The following TBRG4 variants were observed in gnomAD, a reference collection of about 807,000 sequenced individuals.
TBRG4 encodes FAST kinase domain-containing protein 4.
In TBRG4, 43 loss-of-function variants were observed where a neutral mutation model predicts 65.6. That is an observed-to-expected ratio of 0.66 (90% CI 0.51 to 0.85). TBRG4 has a LOEUF of 0.85. TBRG4 is among the 40% of genes least tolerant of loss of function. The pLI is 0.00. For missense variants in TBRG4, 709 were observed against 787.9 expected (o/e 0.90, Z 1.20); for synonymous variants, 366 against 341.4 (o/e 1.07, Z -0.79).
chr7:45,101,759 G>T, intron 8 of TBRG4, 66 bp downstream of exon 8: 1 of 1,598,262 alleles, frequency 6.3e-7, no homozygotes. Context: ...CAGACGGGGT[G>T]GGTTAGAAGA....
In TBRG4 at chr7:45,103,737, T is replaced by C. The variant is rs1784844411; in HGVS notation, c.1066-294A>G. ...AAACTTAGTTTAGACTGGTCACACA[T>C]AAACGTAACTGCAGGTGTCATCTTT... On this transcript the variant is annotated intron_variant, in intron 5 of 10. Transcript: ENST00000258770. 3 of 520,656 alleles carry C rather than the reference T, an allele frequency of 5.8e-6. No individual in the cohort carries two copies. In the Admixed American group the frequency reaches 1.0e-4, roughly 18 times the overall value. The allele number at this position is 520,656 out of a possible 1,614,324, so 32.3% of individuals were successfully genotyped here. A position where few individuals can be genotyped will look rare whatever the true frequency, so the allele number is the denominator to read the frequency against.
At chr7:45,103,555 G>A in intron 5 of TBRG4, 112 bp from the exon 6 acceptor site, 3 of 807,380 alleles carry the variant, frequency 3.7e-6, no homozygotes, top group Non-Finnish European at 4.1e-6. Flanking sequence ...GCAATGGCAG[G>A]ACCCTCCATC....
chr7:45,100,864 C>T (rs2128643836), intron 10 of TBRG4, among the ~76,000 whole-genome samples: 1 of 152,370 alleles, frequency 6.6e-6, no homozygotes, highest in African/African-American at 2.4e-5. Flanking sequence ...CATCTTTCTG[C>T]TCCTGCCAGT....
At position 45,105,503 on chromosome 7, in the gene TBRG4, CTAA is replaced by C; in HGVS notation, c.670_672del (p.Leu224del). The C allele has an allele frequency of 3.1e-6, 5 of 1,614,134 alleles. No homozygotes were observed. Among genetic ancestry groups the C allele is most frequent in the Non-Finnish European group, 4.2e-6 (5 of 1,180,006 alleles). On this transcript the variant is annotated inframe_deletion, in exon 3 of 11. Transcript: ENST00000258770. The stretch of plus-strand genomic sequence containing the variant: ...TGTCCCACCTTCATCATGACGGTCA[CTAA>C]TGTGTGGGAATCTTCAATTTCTGTC...
At chr7:45,104,056 C>A in intron 5 of TBRG4, 43 bp downstream of exon 5, 2 of 1,533,362 alleles carry the variant, frequency 1.3e-6, no homozygotes, top group Admixed American at 2.2e-5. Context: ...AGCAGATGGC[C>A]AGGAAGCCAG....
intron 2 of TBRG4, 177 bp from the exon 3 acceptor site, chr7:45,105,941 C>T (rs1317196943): frequency 1.1e-6 from 1 of 875,750 alleles, no homozygotes; most frequent in Non-Finnish European, 1.9e-6. Context: ...TCCTCACAGC[C>T]TTGCTCAGCC....
chr7:45,101,785 G>T, intron 8 of TBRG4, 40 bp downstream of exon 8: 1 of 1,600,342 alleles, frequency 6.2e-7, no homozygotes, highest in South Asian at 1.1e-5. Context: ...GTTAGACTCA[G>T]GCAATGCCAG....
At position 45,108,745 on chromosome 7, in the gene TBRG4, G is replaced by GT. The variant is rs1380003176; in HGVS notation, c.411+81dup. 21 of 1,207,514 alleles carry GT rather than the reference G, an allele frequency of 1.7e-5. No individual in the cohort carries two copies. The East Asian group carries it at 4.6e-4, about 26-fold the overall frequency. 74.8% of individuals were successfully genotyped at this position (1,207,514 alleles called of 1,614,324 possible). A position where few individuals can be genotyped will look rare whatever the true frequency, so the allele number is the denominator to read the frequency against. On this transcript the variant is annotated intron_variant, in intron 2 of 10. Coordinates refer to ENST00000258770, the MANE Select transcript of TBRG4 (RefSeq NM_004749.4). Reference sequence around the variant, plus strand: ...GATGCAAGGCCCCTGTCTATGCTTGGTAAGCACTGGCTGCTGTGGACCCCA... The same window carrying GT: ...GATGCAAGGCCCCTGTCTATGCTTGGTTAAGCACTGGCTGCTGTGGACCCCA...
chr7:45,109,479 C>A (rs1314515059), intron 1 of TBRG4, among the ~76,000 whole-genome samples, 192 bp from the exon 2 acceptor site: 1 of 152,192 alleles, frequency 6.6e-6, no homozygotes, highest in African/African-American at 2.4e-5. Context: ...AGAATGCCAT[C>A]AAATATCAAA....
chr7:45,104,146 C>T lies in TBRG4; in HGVS notation c.1018G>A (p.Ala340Thr), dbSNP rs372199442. The T allele has an allele frequency of 4.8e-5, 78 of 1,613,380 alleles. No homozygotes were observed. The highest frequency in any genetic ancestry group is 1.7e-5 in the Admixed American group (1 of 59,936). ...GGCAGGCTGAGCCACTTGAGTAAGG[C>T]GAAGGACTTGGCACAGTGGGCCACC... ...GEVAHCAKSF[A>T]LLKWLSLPLF... The change falls in exon 5 of 11, where the codon GCC becomes ACC. Residue 340 changes from alanine to threonine, a missense_variant. Transcript: ENST00000258770.
intron 1 of TBRG4, chr7:45,110,626 G>A (rs113329305): frequency 0.049 from 7,371 of 150,152 alleles, 224 homozygotes; most frequent in Middle Eastern, 0.066. Context: ...GGGTGGCAGA[G>A]CGAGACTCTG....
chr7:45,108,753 T>A lies in TBRG4; in HGVS notation c.411+74A>T. The A allele has an allele frequency of 2.3e-6, 3 of 1,291,236 alleles. No homozygotes were observed. The South Asian group carries it at 5.1e-5, about 22-fold the overall frequency. The allele number at this position is 1,291,236 out of a possible 1,614,324, so 80.0% of individuals were successfully genotyped here. On this transcript the variant is annotated intron_variant, in intron 2 of 10. Coordinates refer to ENST00000258770, the MANE Select transcript of TBRG4 (RefSeq NM_004749.4). ...GCCCCTGTCTATGCTTGGTAAGCACTGGCTGCTGTGGACCCCAGCATTTCT... is the reference window on the plus strand; with the variant it reads ...GCCCCTGTCTATGCTTGGTAAGCACAGGCTGCTGTGGACCCCAGCATTTCT...
chr7:45,106,090 C>A, intron 2 of TBRG4: 1 of 586,914 alleles, frequency 1.7e-6, no homozygotes, highest in Non-Finnish European at 3.3e-6. Context: ...CTGAATTTGA[C>A]ATGGCTGCCA....
At position 45,111,692 on chromosome 7, in the gene TBRG4, A is replaced by C. The variant is rs1023041008; in HGVS notation, c.-100T>G. On this transcript the variant is annotated 5_prime_UTR_variant, in exon 1 of 11. Coordinates refer to ENST00000258770, the MANE Select transcript of TBRG4 (RefSeq NM_004749.4). ...CATCCGCCGCCCTAACTGTCCCCGG[A>C]ACCATGAGGTGCGCGGCGCGCTTCC... The C allele has an allele frequency of 4.1e-5, 53 of 1,289,214 alleles. No individual in the cohort carries two copies. The Admixed American group carries it at 1.2e-3, about 30-fold the overall frequency. 79.9% of individuals were successfully genotyped at this position (1,289,214 alleles called of 1,614,324 possible).
chr7:45,104,395 G>T (rs1310646065), intron 4 of TBRG4, 139 bp from the exon 5 acceptor site: 7 of 1,562,500 alleles, frequency 4.5e-6, no homozygotes, highest in Non-Finnish European at 6.2e-6. Context: ...CACAGGAACA[G>T]GGCCCATGAG....
chr7:45,104,936 C>A, intron 3 of TBRG4: 1 of 810,852 alleles, frequency 1.2e-6, no homozygotes, highest in Admixed American at 1.7e-5. Flanking sequence ...ATCCCCAGGT[C>A]CCAGGGTAGG....
chr7:45,111,665 T>G lies in TBRG4; in HGVS notation c.-73A>C. 7.8e-7 allele frequency: 1 copy of G among 1,289,288 alleles called. No individual in the cohort carries two copies. Among genetic ancestry groups the G allele is most frequent in the Non-Finnish European group, 1.0e-6 (1 of 988,804 alleles). 79.9% of individuals were successfully genotyped at this position (1,289,288 alleles called of 1,614,324 possible). A position where few individuals can be genotyped will look rare whatever the true frequency, so the allele number is the denominator to read the frequency against. Reference sequence around the variant, plus strand: ...TACGCAGCGAGCACCACCGCTGACCTCCATCCGCCGCCCTAACTGTCCCCG... The same window carrying G: ...TACGCAGCGAGCACCACCGCTGACCGCCATCCGCCGCCCTAACTGTCCCCG... On this transcript the variant is annotated 5_prime_UTR_variant, in exon 1 of 11. Coordinates refer to ENST00000258770, the MANE Select transcript of TBRG4 (RefSeq NM_004749.4).
chr7:45,111,515 A>C, intron 1 of TBRG4, 128 bp downstream of exon 1: 1 of 1,123,858 alleles, frequency 8.9e-7, no homozygotes, highest in African/African-American at 1.6e-5. Context: ...GGCCAGGCCC[A>C]CGGCATCCCA....
chr7:45,105,309 T>C lies in TBRG4; in HGVS notation c.735+132A>G, dbSNP rs1054459047. The C allele has an allele frequency of 4.8e-6, 5 of 1,043,824 alleles. No individual in the cohort carries two copies. The African/African-American group carries it at 6.4e-5, about 13-fold the overall frequency. The allele number at this position is 1,043,824 out of a possible 1,614,324, so 64.7% of individuals were successfully genotyped here. On this transcript the variant is annotated intron_variant, in intron 3 of 10. Coordinates refer to ENST00000258770, the MANE Select transcript of TBRG4 (RefSeq NM_004749.4). The stretch of plus-strand genomic sequence containing the variant: ...TCCTGCCCCATGTGATGCCTGAGGC[T>C]CCAGACAGAAGCTCCCAGGGCTCTG...
Sources: gnomAD v4.1 joint callset for allele counts (sites outside exome capture counted in the v4.1 genomes callset) on GRCh38, gnomAD v4.1.1 for gene constraint, MANE v1.5 for transcripts, NCBI Gene and HGNC (gene_info 2026-07-23, HGNC 2026-07-21) for gene names.